CEP250: variants seen among roughly 807,000 people sequenced by gnomAD.
The protein encoded by CEP250 is centrosome-associated protein CEP250.
CEP250 carries 242 observed loss-of-function variants against 315.7 expected under a neutral mutation model. The ratio of observed to expected loss-of-function variants is 0.77; its 90% CI spans 0.69 to 0.85. The LOEUF is 0.85. Ranked by LOEUF, CEP250 falls within the 40% of genes least tolerant of loss-of-function variation. The pLI is 0.00. For synonymous variants in CEP250, 1,088 were observed against 1,175.0 expected, an observed-to-expected ratio of 0.93 and a Z score of 1.51; for missense variants, 2,515 against 2,886.4, an observed-to-expected ratio of 0.87 and a Z score of 2.95.
Position 35,494,629 on chromosome 20 carries a change from C to A in CEP250, c.3139C>A (p.Gln1047Lys), listed in dbSNP as rs987508594. 1.9e-6 allele frequency: 3 copies of A among 1,613,930 alleles called. No individual in the cohort carries two copies. The African/African-American group carries it at 4.0e-5, about 22-fold the overall frequency. The change falls in exon 24 of 35, where the codon CAG (glutamine) becomes AAG (lysine). Residue 1047 changes from glutamine to lysine, a missense_variant. Transcript: ENST00000397527. ...AGAGACCCAGGAGTATAACCGAATT[C>A]AGAAGGAGCTGGAGAGAGAGAAAGC... is the stretch of plus-strand genomic sequence containing the variant. ...LRETQEYNRI[Q>K]KELEREKASL...
chr20:35,470,877 C>T (rs6058252), intron 10 of CEP250, among the ~76,000 whole-genome samples: 1 of 152,194 alleles, frequency 6.6e-6, no homozygotes, highest in African/African-American at 2.4e-5. Context: ...GTTGAACAGC[C>T]TGTCTTGTGA....
Position 35,514,602 on chromosome 20 carries a change from A to C in CEP250, c.*2976A>C, listed in dbSNP as rs2064414611. The C allele has an allele frequency of 6.6e-6, 1 of 152,370 alleles. No homozygotes were observed. 9.4% of individuals were successfully genotyped at this position (152,370 alleles called of 1,614,324 possible). On this transcript the variant is annotated 3_prime_UTR_variant, in exon 35 of 35. Coordinates refer to ENST00000397527, the MANE Select transcript of CEP250 (RefSeq NM_007186.6). ...AAGGACCTTTGCTGCTCTGCTTCCC[A>C]CATGGGACTGCCAGCACCCTGAAGG... is the stretch of plus-strand genomic sequence containing the variant.
chr20:35,479,757 C>T lies in CEP250; in HGVS notation c.2400C>T (p.Ala800=). 6.2e-7 allele frequency: 1 copy of T among 1,614,124 alleles called. No homozygotes were observed. The highest frequency in any genetic ancestry group is 8.5e-7 in the Non-Finnish European group (1 of 1,180,016). ...TCCAGATTCAAACTGTCACTCAAGC[C>T]AAGGAAGTAATCCAAGGTGAGAACC... ...LEVQIQTVTQ[A]KEVIQGEVRC... The change falls in exon 19 of 35, where the codon GCC becomes GCT. Residue 800 remains alanine (A), a synonymous_variant. Coordinates refer to ENST00000397527, the MANE Select transcript of CEP250 (RefSeq NM_007186.6).
rs202083231 is a variant in CEP250, at chr20:35,490,720, G to A, written c.2670G>A (p.Arg890=). The change falls in exon 21 of 35, where the codon AGG becomes AGA. Residue 890 remains arginine, a synonymous_variant. Coordinates refer to ENST00000397527, the MANE Select transcript of CEP250 (RefSeq NM_007186.6). The stretch of plus-strand genomic sequence containing the variant: ...GGGAAAAAATGGAGCTGGAAATGAG[G>A]CTAAAGGAGCAGCAGACAGAAATGG... ...LEREKMELEM[R]LKEQQTEMEA... 2.5e-6 allele frequency: 4 copies of A among 1,614,024 alleles called. No homozygotes were observed. Among genetic ancestry groups the A allele is most frequent in the Middle Eastern group, 3.3e-4 (2 of 6,022 alleles).
intron 24 of CEP250, 83 bp from the exon 25 acceptor site, chr20:35,496,494 G>A (rs919686507): frequency 4.2e-5 from 47 of 1,130,590 alleles, no homozygotes; most frequent in Non-Finnish European, 4.8e-5. Flanking sequence ...GATTATTAAT[G>A]CTATGTTTAG....
In CEP250 at chr20:35,479,337, T is replaced by A; in HGVS notation, c.2201T>A (p.Leu734Gln). Residue 734 changes from leucine to glutamine, a missense_variant, in exon 18 of 35, where the codon CTA becomes CAA. Physicochemically the swap from Leu to Gln is moderately radical, Grantham distance 113 (BLOSUM62 -2). Coordinates refer to ENST00000397527, the MANE Select transcript of CEP250 (RefSeq NM_007186.6). ...AGGGCAGTCCAGGAGAAGGAGGCCC[T>A]AGTACGAGAGAAAGCGGCTCTAGAG... ...LARAVQEKEA[L>Q]VREKAALEVR... 6.2e-7 allele frequency: 1 copy of A among 1,614,150 alleles called. No individual in the cohort carries two copies.
In CEP250 at chr20:35,476,574, G is replaced by A; in HGVS notation, c.1842G>A (p.Gly614=). The part of the protein sequence containing the change: ...LNEALALDKV[G]LNQQLLQLEE... ...AGGCTTTGGCGTTAGATAAAGTTGGGCTGAACCAGCAGCTTCTCCAGGTGA... is the reference window on the plus strand; with the variant it reads ...AGGCTTTGGCGTTAGATAAAGTTGGACTGAACCAGCAGCTTCTCCAGGTGA... The change falls in exon 16 of 35, where the codon GGG becomes GGA. Residue 614 remains glycine (G), a synonymous_variant. Coordinates refer to ENST00000397527, the MANE Select transcript of CEP250 (RefSeq NM_007186.6). 6.2e-7 allele frequency: 1 copy of A among 1,613,306 alleles called. No individual in the cohort carries two copies. Among genetic ancestry groups the A allele is most frequent in the South Asian group, 1.1e-5 (1 of 91,072 alleles).
chr20:35,498,064 C>A lies in CEP250; in HGVS notation c.3652C>A (p.Pro1218Thr). Residue 1218 changes from proline to threonine, a missense_variant, in exon 26 of 35, where the codon CCA (proline) becomes ACA (threonine). By Grantham distance (38) the Pro-to-Thr change is conservative. Coordinates refer to ENST00000397527, the MANE Select transcript of CEP250 (RefSeq NM_007186.6). ...DSAPSVWGLEPDQNGARSLFK... is the reference protein window; with the variant it reads ...DSAPSVWGLETDQNGARSLFK... ...TGCTCCTTCCGTCTGGGGCCTTGAG[C>A]CAGGTGAGACAGCCTCCCCAGAACT... The A allele has an allele frequency of 1.3e-6, 2 of 1,559,684 alleles. No homozygotes were observed. The highest frequency in any genetic ancestry group is 1.7e-6 in the Non-Finnish European group (2 of 1,151,146).
intron 3 of CEP250, among the ~76,000 whole-genome samples, chr20:35,461,370 G>T (rs1459474035): frequency 6.7e-6 from 1 of 148,898 alleles, no homozygotes; most frequent in Non-Finnish European, 1.5e-5. Flanking sequence ...CCCATTGGAG[G>T]CAGAGCTTGG....
intron 23 of CEP250, among the ~76,000 whole-genome samples, chr20:35,493,995 G>GAAA (rs2063767196): frequency 6.6e-6 from 1 of 151,548 alleles, no homozygotes; most frequent in Non-Finnish European, 1.5e-5. Context: ...CTTCTTTTTG[G>GAAA]TGGGGGAGAC....
chr20:35,462,806 G>A (rs1260496938), intron 4 of CEP250, among the ~76,000 whole-genome samples: 1 of 152,054 alleles, frequency 6.6e-6, no homozygotes, highest in African/African-American at 2.4e-5. Flanking sequence ...CTGTTGCCCA[G>A]GCTAGAGTGC....
intron 20 of CEP250, among the ~76,000 whole-genome samples, chr20:35,483,136 C>A (rs887796492): frequency 1.3e-5 from 2 of 151,670 alleles, no homozygotes; most frequent in Admixed American, 1.3e-4. Flanking sequence ...GCCTGACCAA[C>A]ATGGAGAAAC....
In CEP250 at chr20:35,494,861, G is replaced by A. The variant is rs375685060; in HGVS notation, c.3167+204G>A. ...TAAATATTTCGTGAACGCCTGTTAT[G>A]CACCAGGCACCATGCTTGGGGATAC... is the stretch of plus-strand genomic sequence containing the variant. On this transcript the variant is annotated intron_variant, in intron 24 of 34. Coordinates refer to ENST00000397527, the MANE Select transcript of CEP250 (RefSeq NM_007186.6). Among the ~76,000 whole-genome samples the A allele has an allele frequency of 5.9e-5, 9 of 152,324 alleles. No individual in the cohort carries two copies. In the South Asian group the frequency reaches 1.4e-3, roughly 25 times the overall value.
At position 35,519,088 on chromosome 20, in the gene CEP250, G is replaced by C. The variant is rs929696993; in HGVS notation, c.*7462G>C. 1.3e-5 allele frequency: 2 copies of C among 151,878 alleles called. No homozygotes were observed. Among genetic ancestry groups the C allele is most frequent in the African/African-American group, 4.8e-5 (2 of 41,360 alleles). The allele number at this position is 151,878 out of a possible 1,614,324, so 9.4% of individuals were successfully genotyped here. ...CATAATCTGGATTGCAGGGCTGATC[G>C]TTGCTAATGGAGTGTTATGGCTGTT... On this transcript the variant is annotated 3_prime_UTR_variant, in exon 35 of 35. Coordinates refer to ENST00000397527, the MANE Select transcript of CEP250 (RefSeq NM_007186.6).
Position 35,503,157 on chromosome 20 carries a change from C to T in CEP250, c.4788C>T (p.Asp1596=). The T allele has an allele frequency of 6.2e-7, 1 of 1,614,014 alleles. No homozygotes were observed. Among genetic ancestry groups the T allele is most frequent in the South Asian group, 1.1e-5 (1 of 91,076 alleles). ...TGGCTTTGACCCACCTTACGCTGGA[C>T]CTAGAAGAAAGGAGCCAGGAGCTGC... ...QRVALTHLTL[D]LEERSQELQA... is the part of the protein sequence containing the mutation. Residue 1596 remains aspartate (D), a synonymous_variant, in exon 30 of 35, where the codon GAC becomes GAT. Transcript: ENST00000397527. The surrounding 1 kb of genome is among the most constrained non-coding windows in gnomAD (Gnocchi z 4.2).
chr20:35,505,151 G>T (rs1193124002), intron 30 of CEP250, 146 bp downstream of exon 30: 3 of 670,070 alleles, frequency 4.5e-6, no homozygotes, highest in Non-Finnish European at 7.5e-6. Flanking sequence ...TGGGATTCAG[G>T]CTACTGTGCT....
At chr20:35,479,542 C>T in intron 18 of CEP250, 104 bp from the exon 19 acceptor site, 1 of 1,544,362 alleles carries the variant, frequency 6.5e-7, no homozygotes, top group Non-Finnish European at 8.7e-7. Context: ...TTATAATTGC[C>T]CCCCTAACTT....
At chr20:35,501,794 A>C in intron 28 of CEP250, 51 bp from the exon 29 acceptor site, 1 of 1,537,000 alleles carries the variant, frequency 6.5e-7, no homozygotes, top group East Asian at 2.4e-5. Flanking sequence ...CTATATCCCA[A>C]ACATGGGTCT....
chr20:35,505,391 G>A (rs1325703206), intron 30 of CEP250, among the ~76,000 whole-genome samples: 1 of 152,108 alleles, frequency 6.6e-6, no homozygotes, highest in Non-Finnish European at 1.5e-5. Flanking sequence ...GGTGGCTCAC[G>A]CCGGTAATCC....
Sources: gnomAD v4.1 joint callset for allele counts (sites outside exome capture counted in the v4.1 genomes callset) on GRCh38, gnomAD v4.1.1 for gene constraint, Gnocchi (gnomAD v3.1) non-coding constraint, MANE v1.5 for transcripts, NCBI Gene and HGNC (gene_info 2026-07-23, HGNC 2026-07-21) for gene names.